PTCD3: variants seen among roughly 807,000 people sequenced by gnomAD.
PTCD3 encodes the protein small ribosomal subunit protein mS39.
PTCD3 carries 89 observed loss-of-function variants against 101.9 expected under a neutral mutation model. The observed-to-expected ratio is 0.87, with a 90% CI of 0.74 to 1.04. The LOEUF is 1.04. PTCD3 is among the 50% of genes least tolerant of loss of function. The pLI, the probability that PTCD3 is intolerant of heterozygous loss-of-function variation, is 0.00. For missense variants in PTCD3, 870 were observed against 828.2 expected (o/e 1.05, Z -0.62); for synonymous variants, 296 against 278.5 (o/e 1.06, Z -0.63).
chr2:86,111,920 T>TTTAA (rs1223408720), intron 4 of PTCD3: 1 of 152,244 alleles, frequency 6.6e-6, no homozygotes, highest in African/African-American at 2.4e-5. Context: ...AATTTTGTAT[T>TTTAA]TTAAGTAGAG....
intron 1 of PTCD3, among the ~76,000 whole-genome samples, chr2:86,107,765 G>C (rs1159202847): frequency 6.6e-6 from 1 of 152,166 alleles, no homozygotes; most frequent in Non-Finnish European, 1.5e-5. Flanking sequence ...TCCCTATGTT[G>C]TAATTGCTTT....
At chr2:86,131,619 AT>A (rs1360348827) in intron 16 of PTCD3, among the ~76,000 whole-genome samples, 4 of 152,184 alleles carry the variant, frequency 2.6e-5, no homozygotes, top group African/African-American at 9.7e-5. Flanking sequence ...AATATTTCAG[AT>A]TTGCCTATTA....
chr2:86,126,076 A>T (rs1558798009), intron 12 of PTCD3, among the ~76,000 whole-genome samples, 196 bp downstream of exon 12: 1 of 152,000 alleles, frequency 6.6e-6, no homozygotes, highest in Non-Finnish European at 1.5e-5. Context: ...TAAAAGTACA[A>T]ACAATTAGCT....
chr2:86,136,686 C>T lies in PTCD3; in HGVS notation c.1820+124C>T, dbSNP rs573416684. The T allele has an allele frequency of 1.5e-4, 175 of 1,164,260 alleles. No individual in the cohort carries two copies. In the East Asian group the frequency reaches 4.1e-3, roughly 27 times the overall value. The allele number at this position is 1,164,260 out of a possible 1,614,324, so 72.1% of individuals were successfully genotyped here. On this transcript the variant is annotated intron_variant, in intron 22 of 23. Coordinates refer to ENST00000254630, the MANE Select transcript of PTCD3 (RefSeq NM_017952.6). The stretch of plus-strand genomic sequence containing the variant: ...TGTTAGGCAAGCATACCGTCAACTC[C>T]CTACTATCCAGGGCATCCTGAGGCA...
intron 1 of PTCD3, among the ~76,000 whole-genome samples, chr2:86,107,600 A>C (rs926845258): frequency 6.6e-6 from 1 of 152,234 alleles, no homozygotes; most frequent in Non-Finnish European, 1.5e-5. Flanking sequence ...AAACTCAGTC[A>C]TGGGCCAATG....
rs1166416843 is a variant in PTCD3, at chr2:86,138,831, C to T, written c.*1272C>T. ...GCCTTGGCCACCTGAAATGTTAACT[C>T]GGTCCCTTCCTGTCTCTAGTTCATC... On this transcript the variant is annotated 3_prime_UTR_variant, in exon 24 of 24. Transcript: ENST00000254630. The T allele has an allele frequency of 6.6e-6, 1 of 152,194 alleles. No homozygotes were observed. The highest frequency in any genetic ancestry group is 1.5e-5 in the Non-Finnish European group (1 of 68,046). The allele number at this position is 152,194 out of a possible 1,614,324, so 9.4% of individuals were successfully genotyped here.
Position 86,106,262 on chromosome 2 carries a change from T to A in PTCD3, c.15T>A (p.Ser5=), listed in dbSNP as rs759112070. Residue 5 remains serine, a synonymous_variant, in exon 1 of 24, where the codon TCT becomes TCA. Transcript: ENST00000254630. MAVV[S]AVRWLGLRSR... ...AGAAATCAAAGATGGCGGTTGTATC[T>A]GCTGTTCGCTGGCTGGGCCTCCGCA... is the stretch of plus-strand genomic sequence containing the variant. The A allele has an allele frequency of 1.9e-6, 3 of 1,614,076 alleles. No individual in the cohort carries two copies. Among genetic ancestry groups the A allele is most frequent in the East Asian group, 2.2e-5 (1 of 44,870 alleles).
chr2:86,123,095 T>TA (rs372702762), intron 8 of PTCD3, among the ~76,000 whole-genome samples: 15 of 151,498 alleles, frequency 9.9e-5, no homozygotes, highest in South Asian at 6.3e-4. Flanking sequence ...CCGTCCCTAC[T>TA]AAAAAAAATA....
intron 22 of PTCD3, 120 bp from the exon 23 acceptor site, chr2:86,136,862 T>C (rs1433508825): frequency 1.8e-5 from 23 of 1,302,314 alleles, no homozygotes; most frequent in Non-Finnish European, 2.5e-5. Flanking sequence ...AATGTTAGAC[T>C]TCATCTTTGT....
intron 4 of PTCD3, among the ~76,000 whole-genome samples, 159 bp from the exon 5 acceptor site, chr2:86,116,371 G>A (rs4832248): frequency 0.73 from 110,853 of 152,026 alleles, 42,595 homozygotes; most frequent in Non-Finnish European, 0.84. Flanking sequence ...CACCCTCTCT[G>A]CAAAAAATTT....
In PTCD3 at chr2:86,116,704, A is replaced by C. The variant is rs78418262; in HGVS notation, c.309+106A>C. The C allele has an allele frequency of 8.6e-3, 6,891 of 797,512 alleles. 57 individuals are homozygous for C. Among genetic ancestry groups the C allele is most frequent in the Non-Finnish European group, 9.8e-3 (4,665 of 473,634 alleles). The allele number at this position is 797,512 out of a possible 1,614,324, so 49.4% of individuals were successfully genotyped here. ...ACCTGGGAAAGGTTTACAAATGCTGAGAAATTGATAGACTATGTGAATCCT... is the reference window on the plus strand; with the variant it reads ...ACCTGGGAAAGGTTTACAAATGCTGCGAAATTGATAGACTATGTGAATCCT... On this transcript the variant is annotated intron_variant, in intron 5 of 23. Coordinates refer to ENST00000254630, the MANE Select transcript of PTCD3 (RefSeq NM_017952.6).
At chr2:86,113,972 AC>A (rs1419730459) in intron 4 of PTCD3, among the ~76,000 whole-genome samples, 1 of 152,172 alleles carries the variant, frequency 6.6e-6, no homozygotes, top group East Asian at 1.9e-4. Flanking sequence ...ATAAATAGGC[AC>A]CTGAAATGTA....
chr2:86,123,629 T>G lies in PTCD3; in HGVS notation c.655-72T>G. The G allele has an allele frequency of 3.4e-6, 4 of 1,188,054 alleles. No individual in the cohort carries two copies. In the South Asian group the frequency reaches 6.3e-5, roughly 19 times the overall value. 73.6% of individuals were successfully genotyped at this position (1,188,054 alleles called of 1,614,324 possible). The stretch of plus-strand genomic sequence containing the variant: ...TCTGAGTTCCCTTTGCCTTTCTGAT[T>G]TTGAGTAGTCTGACTGGGAAATGCA... On this transcript the variant is annotated intron_variant, in intron 8 of 23. Transcript: ENST00000254630.
At chr2:86,107,296 A>T (rs1381531529) in intron 1 of PTCD3, 2 of 460,360 alleles carry the variant, frequency 4.3e-6, no homozygotes, top group Non-Finnish European at 9.0e-6. Context: ...TCTCTGTTTT[A>T]AGGTCATGAG....
chr2:86,131,025 G>GA, intron 15 of PTCD3, 53 bp from the exon 16 acceptor site: 1 of 1,557,464 alleles, frequency 6.4e-7, no homozygotes, highest in South Asian at 1.2e-5. Flanking sequence ...TTACTGACTT[G>GA]AAAATATATT....
chr2:86,135,642 C>G (rs1327935229), intron 21 of PTCD3, among the ~76,000 whole-genome samples: 1 of 152,106 alleles, frequency 6.6e-6, no homozygotes, highest in African/African-American at 2.4e-5. Flanking sequence ...AATGTGTGTT[C>G]TAAAAGTCAT....
At chr2:86,121,636 C>G (rs376012994) in intron 8 of PTCD3, 42 bp downstream of exon 8, 11 of 1,274,944 alleles carry the variant, frequency 8.6e-6, no homozygotes, top group Non-Finnish European at 1.2e-5. Flanking sequence ...CCTTAAGCTT[C>G]TTTTTGAAGA....
intron 1 of PTCD3, 141 bp downstream of exon 1, chr2:86,106,492 A>G: frequency 2.7e-6 from 2 of 737,194 alleles, no homozygotes; most frequent in Non-Finnish European, 4.5e-6. Flanking sequence ...AAGACCAGGT[A>G]CGCGGAGGTG....
intron 13 of PTCD3, 149 bp downstream of exon 13, chr2:86,127,454 T>G: frequency 5.7e-6 from 5 of 879,282 alleles, no homozygotes. Flanking sequence ...TACTTACATG[T>G]ACTTATTATA....
Sources: allele counts gnomAD v4.1 joint callset (sites outside exome capture counted in the v4.1 genomes callset), GRCh38; gene constraint gnomAD v4.1.1; transcripts MANE v1.5; gene names NCBI Gene and HGNC (gene_info 2026-07-23, HGNC 2026-07-21).